The following CDK7 variants were observed in gnomAD, a reference collection of about 807,000 sequenced individuals.
CDK7 encodes the protein cyclin-dependent kinase 7.
CDK7 carries 25 observed loss-of-function variants against 49.1 expected under a neutral mutation model. The ratio of observed to expected loss-of-function variants is 0.51; its 90% CI spans 0.37 to 0.71. The LOEUF (loss-of-function observed/expected upper bound fraction) is 0.71. Among genes scored for constraint, CDK7 ranks in the 30% least tolerant of loss-of-function variants. CDK7 has a pLI of 0.00. For synonymous variants in CDK7, 107 were observed against 140.0 expected, an observed-to-expected ratio of 0.76 and a Z score of 1.67; for missense variants, 316 against 411.7, an observed-to-expected ratio of 0.77 and a Z score of 2.01.
At chr5:69,260,085 A>G (rs1750720152) in intron 7 of CDK7, 149 bp downstream of exon 7, 3 of 596,866 alleles carry the variant, frequency 5.0e-6, no homozygotes, top group Admixed American at 6.2e-5. Context: ...GCGGTGACTC[A>G]TGCCTGTAAT....
Position 69,267,544 on chromosome 5 carries a change from G to A in CDK7, c.628-1663G>A, listed in dbSNP as rs372532314. Reference sequence around the variant, plus strand: ...ACTCCTAGCCTCAATTGATCCACTCGCCTCACCCTCCTAAAGTGCTGGGAT... The same window carrying A: ...ACTCCTAGCCTCAATTGATCCACTCACCTCACCCTCCTAAAGTGCTGGGAT... On this transcript the variant is annotated intron_variant, in intron 8 of 11. Coordinates refer to ENST00000256443, the MANE Select transcript of CDK7 (RefSeq NM_001799.4). Among the ~76,000 whole-genome samples the A allele has an allele frequency of 6.6e-5, 10 of 151,836 alleles. 1 individual carries two copies. The highest frequency in any genetic ancestry group is 2.4e-4 in the African/African-American group (10 of 41,434).
In CDK7 at chr5:69,272,910, G is replaced by T; in HGVS notation, c.733G>T (p.Asp245Tyr). The stretch of plus-strand genomic sequence containing the variant: ...TTTACAGGACATGTGTAGTCTTCCA[G>T]ATTATGTGACATTTAAGAGTTTCCC... ...EQWPDMCSLP[D>Y]YVTFKSFPGI... is the part of the protein sequence containing the mutation. The change falls in exon 10 of 12, where the codon GAT becomes TAT. Residue 245 changes from aspartate (D) to tyrosine (Y), a missense_variant. Transcript: ENST00000256443. 6.3e-7 allele frequency: 1 copy of T among 1,590,194 alleles called. No homozygotes were observed. The highest frequency in any genetic ancestry group is 8.6e-7 in the Non-Finnish European group (1 of 1,166,544).
At chr5:69,253,120 A>G (rs1451449068) in intron 3 of CDK7, among the ~76,000 whole-genome samples, 2 of 152,240 alleles carry the variant, frequency 1.3e-5, no homozygotes. Flanking sequence ...ATGAAAGTAC[A>G]TAAAGCTTAC....
At chr5:69,276,426 G>A (rs537648252) in intron 10 of CDK7, 117 bp from the exon 11 acceptor site, 4 of 812,130 alleles carry the variant, frequency 4.9e-6, no homozygotes, top group Non-Finnish European at 8.1e-6. Flanking sequence ...TGTTTTGTTG[G>A]GAATGAGGGC....
intron 7 of CDK7, among the ~76,000 whole-genome samples, chr5:69,260,984 AT>A (rs1750776068): frequency 6.6e-6 from 1 of 151,906 alleles, no homozygotes; most frequent in African/African-American, 2.4e-5. Flanking sequence ...TGGCTGGCTA[AT>A]TTTTTAAAGT....
At chr5:69,275,017 T>A (rs1236312296) in intron 10 of CDK7, among the ~76,000 whole-genome samples, 1 of 150,726 alleles carries the variant, frequency 6.6e-6, no homozygotes, top group Admixed American at 6.6e-5. Flanking sequence ...TGAGCCAAGA[T>A]TGTGCCACTG....
chr5:69,263,798 A>G (rs1750980981), intron 8 of CDK7, among the ~76,000 whole-genome samples: 1 of 152,236 alleles, frequency 6.6e-6, no homozygotes, highest in Non-Finnish European at 1.5e-5. Context: ...GTTATGACTG[A>G]TCACTCCATT....
chr5:69,261,826 G>T (rs1460091225), intron 7 of CDK7, among the ~76,000 whole-genome samples: 2 of 152,200 alleles, frequency 1.3e-5, no homozygotes, highest in Non-Finnish European at 2.9e-5. Context: ...ACCACACCCG[G>T]CCTGAAAAGG....
intron 2 of CDK7, among the ~76,000 whole-genome samples, chr5:69,236,893 C>A (rs1257194901): frequency 1.3e-5 from 2 of 151,042 alleles, no homozygotes; most frequent in East Asian, 3.9e-4. Flanking sequence ...CTCAGTTGAT[C>A]CACCCACTTC....
At chr5:69,250,407 C>T (rs1750061620) in intron 2 of CDK7, among the ~76,000 whole-genome samples, 1 of 152,176 alleles carries the variant, frequency 6.6e-6, no homozygotes, top group African/African-American at 2.4e-5. Flanking sequence ...TATTACCATT[C>T]TTTCTTCCCC....
At chr5:69,259,783 T>G (rs1750701182) in intron 6 of CDK7, 35 bp from the exon 7 acceptor site, 1 of 1,384,912 alleles carries the variant, frequency 7.2e-7, no homozygotes, top group African/African-American at 1.4e-5. Flanking sequence ...TCCCCTACCC[T>G]GCTTATTTGT....
Position 69,262,253 on chromosome 5 carries a change from A to C in CDK7, c.576A>C (p.Val192=). The change falls in exon 8 of 12, where the codon GTA becomes GTC. Residue 192 remains valine, a synonymous_variant. Coordinates refer to ENST00000256443, the MANE Select transcript of CDK7 (RefSeq NM_001799.4). ...TATTTGGAGCTAGGATGTATGGTGT[A>C]GGTGTGGACATGTGGGCTGTTGGCT... ...ELLFGARMYG[V]GVDMWAVGCI... is the part of the protein sequence containing the mutation. 6.2e-7 allele frequency: 1 copy of C among 1,614,108 alleles called. No homozygotes were observed. Among genetic ancestry groups the C allele is most frequent in the South Asian group, 1.1e-5 (1 of 91,076 alleles).
At chr5:69,255,961 T>A (rs1434379760) in intron 5 of CDK7, 1 of 166,658 alleles carries the variant, frequency 6.0e-6, no homozygotes, top group Non-Finnish European at 1.3e-5. Context: ...GTAGCTGGGA[T>A]TACAGGTGCC....
At chr5:69,240,752 C>T (rs1024751107) in intron 2 of CDK7, among the ~76,000 whole-genome samples, 16 of 151,930 alleles carry the variant, frequency 1.1e-4, no homozygotes, top group South Asian at 2.1e-4. Flanking sequence ...CTCAGCCTCC[C>T]GAGTAGCTGG....
intron 2 of CDK7, among the ~76,000 whole-genome samples, chr5:69,242,415 T>C (rs2972381): frequency 0.6 from 91,675 of 151,946 alleles, 28,194 homozygotes; most frequent in African/African-American, 0.72. Flanking sequence ...TTTCTTCATA[T>C]GGGCTCCTGG....
intron 2 of CDK7, among the ~76,000 whole-genome samples, chr5:69,241,358 T>C (rs2150184525): frequency 7.5e-6 from 1 of 133,534 alleles, no homozygotes; most frequent in African/African-American, 2.8e-5. Flanking sequence ...TCTTGCTCTG[T>C]CACCCAGGCT....
chr5:69,257,271 A>G (rs193068601), intron 5 of CDK7, among the ~76,000 whole-genome samples: 142 of 152,264 alleles, frequency 9.3e-4, no homozygotes, highest in Non-Finnish European at 1.7e-3. Flanking sequence ...GACTGGATGC[A>G]TTTGTCAAAA....
intron 8 of CDK7, among the ~76,000 whole-genome samples, chr5:69,267,313 T>TG (rs1373403078): frequency 2.4e-5 from 2 of 83,878 alleles, no homozygotes; most frequent in Non-Finnish European, 4.9e-5. Flanking sequence ...TTTTTTTTTT[T>TG]TTTTTTTGAG....
chr5:69,251,388 G>A (rs892050804), intron 2 of CDK7, among the ~76,000 whole-genome samples: 2 of 151,854 alleles, frequency 1.3e-5, no homozygotes, highest in Non-Finnish European at 1.5e-5. Context: ...ATGAGCCGCC[G>A]CACCCAGCCA....
Sources: allele counts gnomAD v4.1 joint callset (sites outside exome capture counted in the v4.1 genomes callset), GRCh38; gene constraint gnomAD v4.1.1; transcripts MANE v1.5; gene names NCBI Gene and HGNC (gene_info 2026-07-23, HGNC 2026-07-21).